Variants in NLRP11 observed in about 807,000 individuals in gnomAD.
NLRP11 encodes the protein NACHT, LRR and PYD domains-containing protein 11.
Under a neutral mutation model 79.3 loss-of-function variants are expected in NLRP11, and 53 were observed. That is an observed-to-expected ratio of 0.67 (90% CI 0.54 to 0.84). The LOEUF (loss-of-function observed/expected upper bound fraction) is 0.84, where lower values mean the gene tolerates loss of function less well. Among genes scored for constraint, NLRP11 ranks in the 40% least tolerant of loss-of-function variants. NLRP11 has a pLI of 0.00. For missense variants in NLRP11, 1,264 were observed against 1,255.0 expected (o/e 1.01, Z -0.11); for synonymous variants, 518 against 462.6 (o/e 1.12, Z -1.54).
rs546344627 is a variant in NLRP11 at position 55,797,435 on chromosome 19, T to C, written c.2172-1185A>G. Among the ~76,000 whole-genome samples, 7 of 152,358 alleles carry C rather than the reference T, an allele frequency of 4.6e-5. 1 individual carries two copies. In the South Asian group the frequency reaches 8.3e-4, roughly 18 times the overall value. ...ATGAGGATTTTGAATAATAACCATC[T>C]TTCAACTAACAAATATTGTTATTTT... On this transcript the variant is annotated intron_variant, in intron 5 of 9. Transcript: ENST00000589093.
upstream of NLRP11, among the ~76,000 whole-genome samples, chr19:55,836,009 A>G (rs1159574546): frequency 6.6e-6 from 1 of 152,254 alleles, no homozygotes; most frequent in East Asian, 1.9e-4. Context: ...CTGTAATCCC[A>G]GCTACTCAGC....
chr19:55,821,249 A>ACACACACACC (rs1443325918), intron 1 of NLRP11, among the ~76,000 whole-genome samples: 3 of 124,378 alleles, frequency 2.4e-5, no homozygotes, highest in Non-Finnish European at 5.3e-5. Flanking sequence ...ACACACACAC[A>ACACACACACC]CCCCAAGCAC....
intron 3 of NLRP11, 30 bp downstream of exon 3, chr19:55,808,739 G>A: frequency 6.4e-7 from 1 of 1,567,736 alleles, no homozygotes; most frequent in Non-Finnish European, 8.6e-7. Context: ...TAGGAAGACA[G>A]GAAAGAGGAT....
In NLRP11 at chr19:55,817,963, C is replaced by A. The variant is rs972095192; in HGVS notation, c.212G>T (p.Ser71Ile). Residue 71 changes from serine to isoleucine, a missense_variant, in exon 2 of 10, where the codon AGC (serine) becomes ATC (isoleucine). By Grantham distance (142) the Ser-to-Ile change is moderately radical. Transcript: ENST00000589093. ...TTCCTTACGCATCATTGAAAATATG[C>A]TGAAGAGCATATTCCATATATACTG... The A allele has an allele frequency of 3.7e-6, 6 of 1,613,444 alleles. No individual in the cohort carries two copies. Among genetic ancestry groups the A allele is most frequent in the Non-Finnish European group, 5.1e-6 (6 of 1,179,556 alleles).
At position 55,813,232 on chromosome 19, in the gene NLRP11, A is replaced by G. The variant is rs560099330; in HGVS notation, c.272-2894T>C. On this transcript the variant is annotated intron_variant, in intron 2 of 9. Coordinates refer to ENST00000589093, the Ensembl canonical transcript of NLRP11. ...AATCCCAGCTACTCGGGAGGCTGAG[A>G]CAGGAGAATCACTTGAACCAAGGAA... 5.3e-4 allele frequency among the ~76,000 whole-genome samples: 80 copies of G among 152,204 alleles called. 2 individuals are homozygous for G. Among genetic ancestry groups the G allele is most frequent in the African/African-American group, 1.8e-3 (74 of 41,524 alleles).
chr19:55,811,604 G>A (rs903601415), intron 2 of NLRP11, among the ~76,000 whole-genome samples: 1 of 152,042 alleles, frequency 6.6e-6, no homozygotes, highest in Non-Finnish European at 1.5e-5. Flanking sequence ...GCCTAGTTCC[G>A]ACCTAGCACA....
At chr19:55,797,651 G>A (rs1979058947) in intron 5 of NLRP11, among the ~76,000 whole-genome samples, 1 of 152,228 alleles carries the variant, frequency 6.6e-6, no homozygotes, top group South Asian at 2.1e-4. Flanking sequence ...CAGGCACTGA[G>A]CGAAGACTCT....
intron 5 of NLRP11, chr19:55,801,266 T>G (rs1979449717): frequency 4.2e-6 from 1 of 239,604 alleles, no homozygotes; most frequent in Non-Finnish European, 8.0e-6. Flanking sequence ...CTTGAATAAT[T>G]TCCACTAGAC....
intron 1 of NLRP11, among the ~76,000 whole-genome samples, chr19:55,831,557 G>A (rs569452414): frequency 8.5e-4 from 130 of 152,124 alleles, no homozygotes; most frequent in Non-Finnish European, 1.7e-3. Flanking sequence ...GCGAGACTCC[G>A]TCTCAAAATA....
At chr19:55,794,856 C>A (rs2122735960) in intron 6 of NLRP11, among the ~76,000 whole-genome samples, 1 of 151,812 alleles carries the variant, frequency 6.6e-6, no homozygotes, top group African/African-American at 2.4e-5. Flanking sequence ...GTATTTTTTA[C>A]AGAAAATATA....
At chr19:55,794,652 C>T (rs1222042560) in intron 6 of NLRP11, among the ~76,000 whole-genome samples, 2 of 151,756 alleles carry the variant, frequency 1.3e-5, no homozygotes, top group Admixed American at 1.3e-4. Context: ...CCCAGCTACT[C>T]GGGAGGCTGA....
At chr19:55,789,229 C>A (rs1390720571) in exon 8 of NLRP11, 1 of 1,608,864 alleles carries the variant, frequency 6.2e-7, no homozygotes, top group South Asian at 1.1e-5. Flanking sequence ...AGGCACCTAC[C>A]CAATATTCAC....
chr19:55,830,913 G>A (rs1425542273), intron 1 of NLRP11, among the ~76,000 whole-genome samples: 1 of 152,132 alleles, frequency 6.6e-6, no homozygotes, highest in African/African-American at 2.4e-5. Flanking sequence ...CTCAAGCACT[G>A]AGACACAGGG....
intron 6 of NLRP11, among the ~76,000 whole-genome samples, chr19:55,794,139 A>G (rs1425514339): frequency 6.6e-6 from 1 of 152,200 alleles, no homozygotes; most frequent in Admixed American, 6.5e-5. Context: ...CAACAATCTA[A>G]GGTGATAAAA....
At chr19:55,832,092 G>T (rs1248230287), upstream of NLRP11, 1 of 152,216 alleles carries the variant, frequency 6.6e-6, no homozygotes, top group African/African-American at 2.4e-5. Context: ...GGTTCTTGAT[G>T]ACCTTCGCGA....
intron 1 of NLRP11, among the ~76,000 whole-genome samples, chr19:55,827,578 AAAC>A (rs1386346122): frequency 1.3e-5 from 2 of 149,798 alleles, no homozygotes; most frequent in Admixed American, 6.7e-5. Context: ...AGAAAAAAAC[AAAC>A]AACCCCATCA....
At chr19:55,792,707 C>A (rs916733103) in intron 6 of NLRP11, among the ~76,000 whole-genome samples, 1 of 152,240 alleles carries the variant, frequency 6.6e-6, no homozygotes, top group African/African-American at 2.4e-5. Flanking sequence ...ACTCCAACTT[C>A]TACTAACGGA....
At chr19:55,836,505 G>A (rs1983298021), upstream of NLRP11, 1 of 152,208 alleles carries the variant, frequency 6.6e-6, no homozygotes, top group Non-Finnish European at 1.5e-5. Context: ...ATGGCACCAC[G>A]GATCTTTTCT....
At chr19:55,832,876 T>TC (rs1269557145), upstream of NLRP11, 3 of 152,166 alleles carry the variant, frequency 2.0e-5, no homozygotes, top group Non-Finnish European at 4.4e-5. Flanking sequence ...CACTCTTATT[T>TC]CAACATAGTG....
Sources: allele counts gnomAD v4.1 joint callset (sites outside exome capture counted in the v4.1 genomes callset), GRCh38; gene constraint gnomAD v4.1.1; transcripts MANE v1.5; gene names NCBI Gene and HGNC (gene_info 2026-07-23, HGNC 2026-07-21).